The following TRMU variants were observed in gnomAD, a reference collection of about 807,000 sequenced individuals.
TRMU encodes mitochondrial tRNA-specific 2-thiouridylase 1.
TRMU carries 49 observed loss-of-function variants against 46.9 expected under a neutral mutation model. The observed-to-expected ratio is 1.05, with a 90% confidence interval of 0.83 to 1.33. TRMU has a LOEUF of 1.33. TRMU is among the 40% of genes most tolerant of loss of function. The pLI, the probability that TRMU is intolerant of heterozygous loss-of-function variation, is 0.00. For synonymous variants in TRMU, 241 were observed against 200.9 expected (o/e 1.20, Z -1.69); for missense variants, 572 against 532.4 (o/e 1.07, Z -0.73).
intron 3 of TRMU, among the ~76,000 whole-genome samples, chr22:46,344,726 A>G (rs561255943): frequency 6.6e-6 from 1 of 152,382 alleles, no homozygotes; most frequent in South Asian, 2.1e-4. Context: ...CGTGCAGCAC[A>G]GGATGAGAGG....
Position 46,356,969 on chromosome 22 carries a change from G to A in TRMU, c.1229G>A (p.Ser410Asn). The change falls in exon 11 of 11, where the codon AGC (serine) becomes AAC (asparagine). Residue 410 changes from serine (S) to asparagine (N), a missense_variant. Transcript: ENST00000645190. ...ATGGCCACTGAGAGCCCCAGTGACAGCCCAGAAGATGGTCCAGGCCTGAGT... is the reference window on the plus strand; with the variant it reads ...ATGGCCACTGAGAGCCCCAGTGACAACCCAGAAGATGGTCCAGGCCTGAGT... ...AGMATESPSD[S>N]PEDGPGLSPL... is the part of the protein sequence containing the mutation. 2 of 1,613,626 alleles carry A rather than the reference G, an allele frequency of 1.2e-6. No homozygotes were observed. Among genetic ancestry groups the A allele is most frequent in the Non-Finnish European group, 1.7e-6 (2 of 1,180,016 alleles).
At chr22:46,341,449 A>G (rs562901196) in intron 2 of TRMU, among the ~76,000 whole-genome samples, 107 of 152,322 alleles carry the variant, frequency 7.0e-4, no homozygotes, top group Middle Eastern at 3.4e-3. Flanking sequence ...ATGAACTTCT[A>G]GGGGGACTGA....
intron 7 of TRMU, 43 bp from the exon 8 acceptor site, chr22:46,353,724 G>A (rs771466448): frequency 1.9e-6 from 3 of 1,590,800 alleles, no homozygotes; most frequent in East Asian, 2.2e-5. Context: ...CATGTGGGCT[G>A]TAACTTGTTG....
chr22:46,341,823 G>A (rs2078130350), intron 2 of TRMU, among the ~76,000 whole-genome samples: 1 of 152,202 alleles, frequency 6.6e-6, no homozygotes, highest in Non-Finnish European at 1.5e-5. Context: ...GCACCCAAGA[G>A]TTTGCTAGTT....
At chr22:46,346,340 T>C (rs1569071629) in intron 3 of TRMU, 82 bp from the exon 4 acceptor site, 3 of 1,546,548 alleles carry the variant, frequency 1.9e-6, no homozygotes, top group East Asian at 4.7e-5. Context: ...TCTATACTCT[T>C]CTTTTGTGCC....
At chr22:46,344,017 C>G (rs759098802) in intron 3 of TRMU, among the ~76,000 whole-genome samples, 2 of 152,164 alleles carry the variant, frequency 1.3e-5, no homozygotes, top group African/African-American at 2.4e-5. Flanking sequence ...TAGGAATAAA[C>G]AAATGCCTAC....
At chr22:46,340,521 G>A (rs532561068) in intron 2 of TRMU, among the ~76,000 whole-genome samples, 43 of 141,080 alleles carry the variant, frequency 3.0e-4, no homozygotes, top group Non-Finnish European at 5.4e-4. Flanking sequence ...AGCGGAGCTG[G>A]GATTAAACCC....
At chr22:46,356,366 C>T in intron 10 of TRMU, 1 of 489,062 alleles carries the variant, frequency 2.0e-6, no homozygotes, top group Non-Finnish European at 3.8e-6. Flanking sequence ...GGCATGAGGA[C>T]AGTGCTCAAA....
At chr22:46,356,601 C>T (rs2078616869) in intron 10 of TRMU, 7 of 567,634 alleles carry the variant, frequency 1.2e-5, no homozygotes, top group Non-Finnish European at 2.2e-5. Flanking sequence ...CAGGAGAGGC[C>T]CCTGTGACTG....
rs1375758649 is a variant in TRMU at position 46,357,109 on chromosome 22, A to G, written c.*103A>G. ...GGGCCAGCTTGCTGCTGCCCAAAGC[A>G]GAGGAAGCCGGGCTGGCTGAGGGTC... On this transcript the variant is annotated 3_prime_UTR_variant, in exon 11 of 11. Coordinates refer to ENST00000645190, the MANE Select transcript of TRMU (RefSeq NM_018006.5). 2.0e-6 allele frequency: 3 copies of G among 1,531,660 alleles called. No individual in the cohort carries two copies. Among genetic ancestry groups the G allele is most frequent in the African/African-American group, 2.7e-5 (2 of 72,770 alleles). 94.9% of individuals were successfully genotyped at this position (1,531,660 alleles called of 1,614,324 possible). A position where few individuals can be genotyped will look rare whatever the true frequency, so the allele number is the denominator to read the frequency against.
chr22:46,349,963 C>A lies in TRMU; in HGVS notation c.479-328C>A, dbSNP rs2078364048. 6.6e-6 allele frequency among the ~76,000 whole-genome samples: 1 copy of A among 150,550 alleles called. No homozygotes were observed. Among genetic ancestry groups the A allele is most frequent in the African/African-American group, 2.5e-5 (1 of 40,450 alleles). On this transcript the variant is annotated intron_variant, in intron 4 of 10. Coordinates refer to ENST00000645190, the MANE Select transcript of TRMU (RefSeq NM_018006.5). This position sits in a 1 kb window ranked among gnomAD's most constrained non-coding sequence, Gnocchi z 4.6. ...GCTTACTCCATTTTCCAAGATTTGG[C>A]TGAATTTATTTTAGGTGTTTTTTTT...
chr22:46,353,630 A>C, intron 7 of TRMU, 137 bp from the exon 8 acceptor site: 2 of 766,114 alleles, frequency 2.6e-6, no homozygotes, highest in Non-Finnish European at 2.3e-6. Context: ...GTGGTTGGAG[A>C]ATCGTATCTT....
In TRMU at chr22:46,338,524, C is replaced by T. The variant is rs1226265590; in HGVS notation, c.248+580C>T. Among the ~76,000 whole-genome samples, 1 of 152,166 alleles carries T rather than the reference C, an allele frequency of 6.6e-6. No homozygotes were observed. Among genetic ancestry groups the T allele is most frequent in the Non-Finnish European group, 1.5e-5 (1 of 68,036 alleles). On this transcript the variant is annotated intron_variant, in intron 2 of 10. Coordinates refer to ENST00000645190, the MANE Select transcript of TRMU (RefSeq NM_018006.5). This position sits in a 1 kb window ranked among gnomAD's most constrained non-coding sequence, Gnocchi z 4.5. ...ATCTTCACAAGAGGTGACAGTGATG[C>T]GTGGCACGCAGGAAGTACCAGTGAT...
rs1277917046 is a variant in TRMU, at chr22:46,346,534, A to G, written c.468A>G (p.Glu156=). 6.2e-7 allele frequency: 1 copy of G among 1,611,226 alleles called. No homozygotes were observed. Among genetic ancestry groups the G allele is most frequent in the Non-Finnish European group, 8.5e-7 (1 of 1,178,266 alleles). The change falls in exon 4 of 11, where the codon GAA becomes GAG. Residue 156 remains glutamate (E), a synonymous_variant. Transcript: ENST00000645190. ...AAGGGCTTTTCAGAAATCGGTTTGA[A>G]GTTAGAAATGGTAAGTTCATGTGCC... ...KPEGLFRNRF[E]VRNAVKLLQA...
rs1169987601 is a variant in TRMU, at chr22:46,336,984, G to C, written c.83-795G>C. Reference sequence around the variant, plus strand: ...ATGGAAGGAGAGGAGCCTGGAGCACGTTTAGCCCTGATTATGGAAGATGCT... The same window carrying C: ...ATGGAAGGAGAGGAGCCTGGAGCACCTTTAGCCCTGATTATGGAAGATGCT... On this transcript the variant is annotated intron_variant, in intron 1 of 10. Coordinates refer to ENST00000645190, the MANE Select transcript of TRMU (RefSeq NM_018006.5). The surrounding 1 kb of genome is among the most constrained non-coding windows in gnomAD (Gnocchi z 4.1). Among the ~76,000 whole-genome samples, 1 of 152,150 alleles carries C rather than the reference G, an allele frequency of 6.6e-6. No individual in the cohort carries two copies. Among genetic ancestry groups the C allele is most frequent in the Non-Finnish European group, 1.5e-5 (1 of 68,032 alleles).
intron 8 of TRMU, chr22:46,354,281 C>T (rs948971436): frequency 4.3e-5 from 12 of 276,972 alleles, no homozygotes; most frequent in African/African-American, 2.6e-4. Context: ...ACCAAGCCTT[C>T]CACCACAGTG....
At position 46,351,966 on chromosome 22, in the gene TRMU, G is replaced by A. The variant is rs2078440196; in HGVS notation, c.652-155G>A. 1 of 818,710 alleles carries A rather than the reference G, an allele frequency of 1.2e-6. No homozygotes were observed. Among genetic ancestry groups the A allele is most frequent in the African/African-American group, 1.7e-5 (1 of 59,918 alleles). The allele number at this position is 818,710 out of a possible 1,614,324, so 50.7% of individuals were successfully genotyped here. On this transcript the variant is annotated intron_variant, in intron 5 of 10. Transcript: ENST00000645190. The surrounding 1 kb of genome is among the most constrained non-coding windows in gnomAD (Gnocchi z 6.4). ...GGCATCGTGTGCGCCGGCTGTGACT[G>A]GCGGCCGAGGGTGCCGGTGGGCAGC...
rs2078392854 is a variant in TRMU, at chr22:46,350,654, AGCCTAT to A, written c.651+192_651+197del. Among the ~76,000 whole-genome samples, 4 of 152,192 alleles carry A rather than the reference AGCCTAT, an allele frequency of 2.6e-5. No homozygotes were observed. In the South Asian group the frequency reaches 8.3e-4, roughly 32 times the overall value. ...ACAGGGCTCTGCTGACATCGGGAGC[AGCCTAT>A]ACGAGACTCCTTGCTTTTTTCCTCT... is the stretch of plus-strand genomic sequence containing the variant. On this transcript the variant is annotated intron_variant, in intron 5 of 10. Coordinates refer to ENST00000645190, the MANE Select transcript of TRMU (RefSeq NM_018006.5). This position sits in a 1 kb window ranked among gnomAD's most constrained non-coding sequence, Gnocchi z 4.6.
rs1194464928 is a variant in TRMU, at chr22:46,350,902, C to T, written c.651+439C>T. ...CGGTGCCATCTGTTCGGGCGCTGTGCTGCTGGGCCGCGAGGAATTGGTGAC... is the reference window on the plus strand; with the variant it reads ...CGGTGCCATCTGTTCGGGCGCTGTGTTGCTGGGCCGCGAGGAATTGGTGAC... On this transcript the variant is annotated intron_variant, in intron 5 of 10. Coordinates refer to ENST00000645190, the MANE Select transcript of TRMU (RefSeq NM_018006.5). The surrounding 1 kb of genome is among the most constrained non-coding windows in gnomAD (Gnocchi z 4.6). Among the ~76,000 whole-genome samples the T allele has an allele frequency of 1.3e-5, 2 of 152,222 alleles. No homozygotes were observed. The highest frequency in any genetic ancestry group is 2.9e-5 in the Non-Finnish European group (2 of 68,034).
Sources: gnomAD v4.1 joint callset for allele counts (sites outside exome capture counted in the v4.1 genomes callset) on GRCh38, gnomAD v4.1.1 for gene constraint, Gnocchi (gnomAD v3.1) non-coding constraint, MANE v1.5 for transcripts, NCBI Gene and HGNC (gene_info 2026-07-23, HGNC 2026-07-21) for gene names.